The following LIN54 variants were observed in gnomAD, a reference collection of about 807,000 sequenced individuals.
LIN54 encodes lin-54 DREAM MuvB core complex component.
In LIN54, 9 loss-of-function variants were observed where a neutral mutation model predicts 78.7. That is an observed-to-expected ratio of 0.11 (90% CI 0.07 to 0.20). The LOEUF (loss-of-function observed/expected upper bound fraction) is 0.20, where lower values mean the gene tolerates loss of function less well. Ranked by LOEUF, LIN54 falls within the 10% of genes least tolerant of loss-of-function variation. LIN54 has a pLI of 1.00. For missense variants in LIN54, 573 were observed against 889.9 expected (o/e 0.64, Z 4.53); for synonymous variants, 269 against 318.4 (o/e 0.84, Z 1.65).
intron 1 of LIN54, among the ~76,000 whole-genome samples, chr4:83,001,644 G>A (rs923614715): frequency 6.6e-6 from 1 of 150,882 alleles, no homozygotes; most frequent in African/African-American, 2.4e-5. Flanking sequence ...AGGAGATCAA[G>A]AGCATCCTGG....
chr4:83,011,908 C>T, upstream of LIN54: 1 of 403,678 alleles, frequency 2.5e-6, no homozygotes, highest in Non-Finnish European at 3.3e-6. Context: ...ACAACATAAG[C>T]TCTGGGCAAA....
intron 4 of LIN54, among the ~76,000 whole-genome samples, chr4:82,967,305 C>T (rs1467990998): frequency 2.6e-5 from 4 of 152,054 alleles, no homozygotes; most frequent in Admixed American, 6.6e-5. Context: ...CTAAATGCAG[C>T]GAGAGTTCCT....
intron 11 of LIN54, among the ~76,000 whole-genome samples, 186 bp from the exon 12 acceptor site, chr4:82,931,331 C>G (rs935572131): frequency 1.3e-5 from 2 of 152,216 alleles, no homozygotes; most frequent in African/African-American, 4.8e-5. Flanking sequence ...ATTCTTAAGT[C>G]TGACAGTGGC....
In LIN54 at chr4:82,979,021, T is replaced by C. The variant is rs767348191; in HGVS notation, c.685-15A>G. The C allele has an allele frequency of 4.5e-6, 7 of 1,551,348 alleles. No individual in the cohort carries two copies. In the East Asian group the frequency reaches 1.4e-4, roughly 30 times the overall value. On this transcript the variant is annotated splice_polypyrimidine_tract_variant and intron_variant, in intron 2 of 12. Coordinates refer to ENST00000340417, the MANE Select transcript of LIN54 (RefSeq NM_194282.4). ...TTCTTAGCAATCTGAAACATATAAA[T>C]AACTATGAAGACCATCTGTTTCTAT...
At chr4:83,010,935 C>G, upstream of LIN54, 1 of 851,728 alleles carries the variant, frequency 1.2e-6, no homozygotes, top group Non-Finnish European at 1.5e-6. Flanking sequence ...GCACAAGGGC[C>G]GTGCAAGTGC....
intron 4 of LIN54, among the ~76,000 whole-genome samples, chr4:82,969,542 C>A (rs575541994): frequency 7.9e-5 from 12 of 152,110 alleles, no homozygotes; most frequent in Non-Finnish European, 1.5e-4. Flanking sequence ...ATAGTCAAGG[C>A]TCATTAAAGA....
chr4:83,008,970 C>T (rs1364307354), intron 1 of LIN54, among the ~76,000 whole-genome samples: 1 of 152,172 alleles, frequency 6.6e-6, no homozygotes, highest in East Asian at 1.9e-4. Flanking sequence ...AGCTATAAGG[C>T]ATGGGTCAAA....
intron 1 of LIN54, among the ~76,000 whole-genome samples, chr4:83,000,841 G>A (rs201522228): frequency 1.4e-4 from 2 of 13,798 alleles, no homozygotes; most frequent in African/African-American, 3.1e-4. Context: ...TTTTTTTTTT[G>A]GAGATAGAGT....
At chr4:82,948,772 G>A (rs1391040349) in intron 4 of LIN54, among the ~76,000 whole-genome samples, 1 of 151,934 alleles carries the variant, frequency 6.6e-6, no homozygotes, top group African/African-American at 2.4e-5. Context: ...TTCCACATAT[G>A]TGAGATCACA....
chr4:83,011,705 TTGTCA>T (rs1729862334), upstream of LIN54, among the ~76,000 whole-genome samples: 1 of 152,024 alleles, frequency 6.6e-6, no homozygotes, highest in African/African-American at 2.4e-5. Flanking sequence ...TTACCAGCTC[TTGTCA>T]TCAGTCAGTT....
chr4:82,947,225 A>ATTTTTT (rs1304000304), intron 4 of LIN54, among the ~76,000 whole-genome samples: 14 of 21,612 alleles, frequency 6.5e-4, no homozygotes, highest in African/African-American at 2.1e-3. Context: ...ATATATATAT[A>ATTTTTT]TATATATATA....
In LIN54 at chr4:82,941,648, C is replaced by T. The variant is rs76384861; in HGVS notation, c.1169-1686G>A. ...AAATGAGGGTCTGATCTGGAGTGAT[C>T]TGGAGTGACAGCAGTGGGAATAAAA... On this transcript the variant is annotated intron_variant, in intron 5 of 12. Coordinates refer to ENST00000340417, the MANE Select transcript of LIN54 (RefSeq NM_194282.4). Among the ~76,000 whole-genome samples the T allele has an allele frequency of 8.7e-3, 1,319 of 152,156 alleles. 24 individuals are homozygous for T. Among genetic ancestry groups the T allele is most frequent in the African/African-American group, 0.029 (1,208 of 41,490 alleles).
chr4:82,942,175 T>C (rs1024848008), intron 5 of LIN54, among the ~76,000 whole-genome samples: 4 of 152,090 alleles, frequency 2.6e-5, no homozygotes, highest in Non-Finnish European at 5.9e-5. Context: ...GGAAGGATGA[T>C]GGCTAAAGAC....
At chr4:82,954,633 G>A (rs1724136772) in intron 4 of LIN54, among the ~76,000 whole-genome samples, 1 of 152,098 alleles carries the variant, frequency 6.6e-6, no homozygotes, top group Non-Finnish European at 1.5e-5. Flanking sequence ...GGCCAGGCTG[G>A]TATATGACAT....
chr4:82,997,064 A>C (rs1728287892), intron 1 of LIN54, among the ~76,000 whole-genome samples: 1 of 152,062 alleles, frequency 6.6e-6, no homozygotes, highest in South Asian at 2.1e-4. Context: ...CAAAGACAGG[A>C]ACATATTTGT....
At chr4:82,962,390 C>G (rs1359642148) in intron 4 of LIN54, among the ~76,000 whole-genome samples, 1 of 152,156 alleles carries the variant, frequency 6.6e-6, no homozygotes, top group African/African-American at 2.4e-5. Flanking sequence ...AATATGGTTT[C>G]TCTACTGCAG....
At chr4:83,009,382 C>T (rs1290522399) in intron 1 of LIN54, among the ~76,000 whole-genome samples, 2 of 152,168 alleles carry the variant, frequency 1.3e-5, no homozygotes, top group African/African-American at 2.4e-5. Flanking sequence ...TTCCTCAATA[C>T]TAATCCTTCT....
intron 1 of LIN54, among the ~76,000 whole-genome samples, chr4:82,998,046 GTATATATATATATACACGTA>G (rs1296388599): frequency 8.1e-5 from 11 of 136,370 alleles, no homozygotes; most frequent in East Asian, 6.3e-4. Context: ...ATACACACAC[GTATATATATATATACACGTA>G]TATATATATA....
intron 1 of LIN54, among the ~76,000 whole-genome samples, chr4:82,986,177 G>A (rs747021085): frequency 1.3e-4 from 20 of 151,760 alleles, no homozygotes; most frequent in Admixed American, 5.9e-4. Flanking sequence ...GTGCAGTGGC[G>A]CAATCTCGGC....
Sources: allele counts gnomAD v4.1 joint callset (sites outside exome capture counted in the v4.1 genomes callset), GRCh38; gene constraint gnomAD v4.1.1; transcripts MANE v1.5; gene names NCBI Gene and HGNC (gene_info 2026-07-23, HGNC 2026-07-21).